Variants in PRKCE observed in about 807,000 individuals in gnomAD.
The protein encoded by PRKCE is protein kinase C epsilon.
In PRKCE, 16 loss-of-function variants were observed where a neutral mutation model predicts 85.4. The ratio of observed to expected loss-of-function variants is 0.19; its 90% confidence interval spans 0.13 to 0.28. The LOEUF is 0.28. Among genes scored for constraint, PRKCE ranks in the 10% least tolerant of loss-of-function variants. The pLI, the probability that PRKCE is intolerant of heterozygous loss-of-function variation, is 1.00. For synonymous variants in PRKCE, 388 were observed against 371.5 expected (o/e 1.04, Z -0.51); for missense variants, 573 against 975.2 (o/e 0.59, Z 5.49).
intron 11 of PRKCE, among the ~76,000 whole-genome samples, chr2:46,094,552 T>C (rs1670493394): frequency 6.9e-6 from 1 of 145,650 alleles, no homozygotes. Flanking sequence ...CTGCATGTTC[T>C]CACCTACAAG....
At chr2:46,118,069 G>T (rs1672948946) in intron 11 of PRKCE, among the ~76,000 whole-genome samples, 1 of 152,138 alleles carries the variant, frequency 6.6e-6, no homozygotes, top group Admixed American at 6.5e-5. Context: ...GGATTAATGT[G>T]AACAATAAGA....
intron 11 of PRKCE, among the ~76,000 whole-genome samples, chr2:46,104,302 T>TTTTGTTG (rs1221616864): frequency 1.3e-5 from 2 of 151,080 alleles, no homozygotes; most frequent in South Asian, 2.1e-4. Context: ...TGTACTTTTT[T>TTTTGTTG]TTTTTTTTTT....
At chr2:46,098,588 A>G (rs994412077) in intron 11 of PRKCE, among the ~76,000 whole-genome samples, 1 of 152,172 alleles carries the variant, frequency 6.6e-6, no homozygotes, top group African/African-American at 2.4e-5. Context: ...GGCTAATTTG[A>G]GGTGTTGGGA....
intron 2 of PRKCE, among the ~76,000 whole-genome samples, chr2:45,884,954 CATAT>C (rs745477412): frequency 0.023 from 871 of 37,168 alleles, 11 homozygotes; most frequent in African/African-American, 0.045. Context: ...ATATGTGATC[CATAT>C]ATATATATAT....
chr2:45,896,351 A>G (rs1402632393), intron 2 of PRKCE, among the ~76,000 whole-genome samples: 2 of 152,066 alleles, frequency 1.3e-5, no homozygotes, highest in Non-Finnish European at 2.9e-5. Flanking sequence ...GTGCCATTGC[A>G]CCTAGATGAA....
At chr2:46,063,283 T>A (rs1320366811) in intron 10 of PRKCE, among the ~76,000 whole-genome samples, 2 of 151,866 alleles carry the variant, frequency 1.3e-5, no homozygotes, top group Non-Finnish European at 2.9e-5. Flanking sequence ...GAGGAGAAAA[T>A]TTGGAACTGC....
At chr2:45,747,173 A>AT (rs147142237) in intron 1 of PRKCE, among the ~76,000 whole-genome samples, 52 of 152,176 alleles carry the variant, frequency 3.4e-4, no homozygotes, top group African/African-American at 1.2e-3. Context: ...ACAACTGGGT[A>AT]TTTTTTTTGC....
intron 8 of PRKCE, among the ~76,000 whole-genome samples, 189 bp from the exon 9 acceptor site, chr2:46,007,273 G>A (rs187320128): frequency 1.5e-3 from 221 of 152,328 alleles, no homozygotes; most frequent in African/African-American, 5.1e-3. Context: ...AAGCTCTGCT[G>A]CGCATTAGGT....
chr2:45,809,434 A>G (rs1171836378), intron 1 of PRKCE, among the ~76,000 whole-genome samples: 1 of 152,246 alleles, frequency 6.6e-6, no homozygotes, highest in Non-Finnish European at 1.5e-5. Flanking sequence ...AACAGTAAAA[A>G]GGAGAATTTG....
At chr2:46,183,496 A>C (rs1211073047) in intron 14 of PRKCE, among the ~76,000 whole-genome samples, 2 of 152,228 alleles carry the variant, frequency 1.3e-5, no homozygotes, top group Non-Finnish European at 2.9e-5. Flanking sequence ...TCAGTGTCTG[A>C]AAAAAGTATT....
In PRKCE at chr2:46,041,573, T is replaced by C. The variant is rs780829512; in HGVS notation, c.1437+31056T>C. 2.0e-5 allele frequency among the ~76,000 whole-genome samples: 3 copies of C among 152,232 alleles called. No individual in the cohort carries two copies. Among genetic ancestry groups the C allele is most frequent in the African/African-American group, 4.8e-5 (2 of 41,452 alleles). On this transcript the variant is annotated intron_variant, in intron 10 of 14. Coordinates refer to ENST00000306156, the MANE Select transcript of PRKCE (RefSeq NM_005400.3). The surrounding 1 kb of genome is among the most constrained non-coding windows in gnomAD (Gnocchi z 5.5). The stretch of plus-strand genomic sequence containing the variant: ...CATAGTCTTAGATAAATTTTACAAG[T>C]ATTGGCCCAAGTAACCCACAAGGCA...
intron 1 of PRKCE, among the ~76,000 whole-genome samples, chr2:45,692,317 C>T (rs780538965): frequency 5.9e-5 from 9 of 152,086 alleles, no homozygotes; most frequent in African/African-American, 1.9e-4. Context: ...TGAAACATGT[C>T]GGGGAGTTTT....
chr2:46,063,395 T>C (rs1486788794), intron 10 of PRKCE, among the ~76,000 whole-genome samples: 2 of 151,422 alleles, frequency 1.3e-5, no homozygotes, highest in Non-Finnish European at 2.9e-5. Context: ...CTTTTAAAAA[T>C]AGACGCATGG....
intron 2 of PRKCE, among the ~76,000 whole-genome samples, chr2:45,866,843 TA>T (rs1363087110): frequency 6.6e-6 from 1 of 152,272 alleles, no homozygotes; most frequent in Non-Finnish European, 1.5e-5. Context: ...TGGAAAATTC[TA>T]TTGGCCAGCA....
intron 12 of PRKCE, among the ~76,000 whole-genome samples, chr2:46,147,741 G>T (rs1676220980): frequency 1.3e-5 from 2 of 152,220 alleles, no homozygotes; most frequent in Non-Finnish European, 2.9e-5. Flanking sequence ...CACAGGGAGT[G>T]CTGGCTAAAT....
intron 1 of PRKCE, among the ~76,000 whole-genome samples, chr2:45,737,167 A>C (rs1295350208): frequency 6.6e-6 from 1 of 152,166 alleles, no homozygotes; most frequent in Non-Finnish European, 1.5e-5. Flanking sequence ...CCAACTTGAG[A>C]CCAAATGTTT....
intron 1 of PRKCE, among the ~76,000 whole-genome samples, chr2:45,662,345 C>A (rs1172088367): frequency 9.2e-5 from 14 of 152,176 alleles, no homozygotes; most frequent in Non-Finnish European, 2.1e-4. Flanking sequence ...AATATATGAT[C>A]TGTAAAATTA....
At chr2:46,119,527 C>T (rs1316008479) in intron 11 of PRKCE, among the ~76,000 whole-genome samples, 1 of 152,120 alleles carries the variant, frequency 6.6e-6, no homozygotes, top group South Asian at 2.1e-4. Flanking sequence ...TTTCCGAATT[C>T]CCCTAATTTC....
chr2:46,014,144 A>G (rs764673832), intron 10 of PRKCE, among the ~76,000 whole-genome samples: 1 of 152,202 alleles, frequency 6.6e-6, no homozygotes, highest in African/African-American at 2.4e-5. Context: ...TTCCAGGGCT[A>G]GTGAGAAAAA....
Sources: gnomAD v4.1 joint callset for allele counts (sites outside exome capture counted in the v4.1 genomes callset) on GRCh38, gnomAD v4.1.1 for gene constraint, Gnocchi (gnomAD v3.1) non-coding constraint, MANE v1.5 for transcripts, NCBI Gene and HGNC (gene_info 2026-07-23, HGNC 2026-07-21) for gene names.